The following LPAR4 variants were observed in gnomAD, a reference collection of about 807,000 sequenced individuals.
The protein encoded by LPAR4 is lysophosphatidic acid receptor 4.
In LPAR4, 14 loss-of-function variants were observed where a neutral mutation model predicts 9.2. That is an observed-to-expected ratio of 1.51 (90% confidence interval 1.00 to 2.37). LPAR4 has a LOEUF of 2.37. Among genes scored for constraint, LPAR4 ranks in the 30% most tolerant of loss-of-function variants. The probability of loss-of-function intolerance (pLI) is 0.00; values close to 1 mark genes in which losing one functional copy is unlikely to be tolerated. For missense variants in LPAR4, 251 were observed against 272.1 expected (o/e 0.92, Z 0.55); for synonymous variants, 131 against 97.9 (o/e 1.34, Z -1.99).
Position 78,747,794 on chromosome X carries a change from G to T in LPAR4, c.-535G>T, listed in dbSNP as rs1307801938. On this transcript the variant is annotated 5_prime_UTR_variant, in exon 1 of 5. Coordinates refer to ENST00000614823, the MANE Select transcript of LPAR4 (RefSeq NM_001278000.3). ...AGGGAGTCGTTAACAAAGGGAAAGA[G>T]ATAAATGTAAATAAGCTCACATTTA... The T allele has an allele frequency of 9.9e-6, 1 of 100,892 alleles. No individual in the cohort carries two copies. Among genetic ancestry groups the T allele is most frequent in the Non-Finnish European group, 2.0e-5 (1 of 50,718 alleles). The allele number at this position is 100,892 out of a possible 1,213,427, so 8.3% of individuals were successfully genotyped here.
At chrX:78,748,510 C>G (rs1162062060) in intron 1 of LPAR4, among the ~76,000 whole-genome samples, 1 of 111,879 alleles carries the variant, frequency 8.9e-6, no homozygotes, top group Non-Finnish European at 1.9e-5. Flanking sequence ...AAGGAAGAAT[C>G]ATGTTTGAAT....
chrX:78,752,902 A>T (rs1001056642), intron 4 of LPAR4, among the ~76,000 whole-genome samples: 8 of 111,755 alleles, frequency 7.2e-5, no homozygotes, highest in Non-Finnish European at 1.5e-4. Flanking sequence ...AAGGACCCCA[A>T]ATATGGTATA....
chrX:78,751,017 T>G (rs766773702), intron 3 of LPAR4, among the ~76,000 whole-genome samples, 193 bp from the exon 4 acceptor site: 24 of 111,923 alleles, frequency 2.1e-4, no homozygotes, highest in Non-Finnish European at 4.1e-4. Flanking sequence ...TCTGCAATTC[T>G]GTAATAATGA....
At chrX:78,749,436 G>A (rs771729143) in intron 1 of LPAR4, among the ~76,000 whole-genome samples, 2 of 111,682 alleles carry the variant, frequency 1.8e-5, no homozygotes, top group Admixed American at 1.9e-4. Context: ...TCAGTTATCA[G>A]AACAATGTAA....
chrX:78,756,796 C>T lies in LPAR4; in HGVS notation c.*814C>T, dbSNP rs760754888. On this transcript the variant is annotated 3_prime_UTR_variant, in exon 5 of 5. Coordinates refer to ENST00000614823, the MANE Select transcript of LPAR4 (RefSeq NM_001278000.3). ...GTCACGTTATCTTCATTTTGGGAAA[C>T]TAGGTTCTATAAAATATTTATCCTC... is the stretch of plus-strand genomic sequence containing the variant. 69 of 121,463 alleles carry T rather than the reference C, an allele frequency of 5.7e-4. No individual in the cohort carries two copies. Among genetic ancestry groups the T allele is most frequent in the Non-Finnish European group, 3.0e-4 (16 of 52,727 alleles). 10.0% of individuals were successfully genotyped at this position (121,463 alleles called of 1,213,427 possible).
Position 78,758,633 on chromosome X carries a change from C to T in LPAR4, c.*2651C>T, listed in dbSNP as rs1010232181. Among the ~76,000 whole-genome samples, 6 of 110,886 alleles carry T rather than the reference C, an allele frequency of 5.4e-5. No homozygotes were observed. Among genetic ancestry groups the T allele is most frequent in the African/African-American group, 1.3e-4 (4 of 30,606 alleles). Reference sequence around the variant, plus strand: ...AAATATAAAAGTGACTATGTTACATCGAAAGGAAAAGCAATTTTGCAGCTG... The same window carrying T: ...AAATATAAAAGTGACTATGTTACATTGAAAGGAAAAGCAATTTTGCAGCTG... On this transcript the variant is annotated 3_prime_UTR_variant, in exon 5 of 5. Coordinates refer to ENST00000614823, the MANE Select transcript of LPAR4 (RefSeq NM_001278000.3).
chrX:78,749,241 C>T (rs751702349), intron 1 of LPAR4: 6 of 111,689 alleles, frequency 5.4e-5, no homozygotes, highest in Non-Finnish European at 1.1e-4. Flanking sequence ...GTTTGTTCAG[C>T]GCCTAATTGT....
At chrX:78,753,060 G>T (rs181950141) in intron 4 of LPAR4, among the ~76,000 whole-genome samples, 167 of 111,670 alleles carry the variant, frequency 1.5e-3, no homozygotes, top group African/African-American at 5.1e-3. Context: ...CCTGTCCATT[G>T]TCAATAAAAA....
Position 78,755,277 on chromosome X carries a change from T to C in LPAR4, c.408T>C (p.Arg136=), listed in dbSNP as rs376235722. ...TTCTCACCTGTATTAGTGTGGATCG[T>C]TTCCTGGCCATTGTCTATCCTTTTC... ...MLFLTCISVD[R]FLAIVYPFRS... is the part of the protein sequence containing the mutation. Residue 136 remains arginine (R), a synonymous_variant, in exon 5 of 5, where the codon CGT becomes CGC. Transcript: ENST00000614823. The C allele has an allele frequency of 8.3e-7, 1 of 1,209,478 alleles. No individual in the cohort carries two copies. Among genetic ancestry groups the C allele is most frequent in the Non-Finnish European group, 1.1e-6 (1 of 894,252 alleles).
At chrX:78,753,291 A>T (rs1925149085) in intron 4 of LPAR4, among the ~76,000 whole-genome samples, 1 of 112,251 alleles carries the variant, frequency 8.9e-6, no homozygotes, top group Non-Finnish European at 1.9e-5. Flanking sequence ...AAGATCTAAT[A>T]GTTAGAAATG....
At chrX:78,750,542 A>T (rs767589557) in intron 2 of LPAR4, among the ~76,000 whole-genome samples, 188 bp from the exon 3 acceptor site, 30 of 111,477 alleles carry the variant, frequency 2.7e-4, no homozygotes, top group African/African-American at 9.4e-4. Context: ...GACATGCTAT[A>T]TTGGGTAGGC....
Position 78,758,147 on chromosome X carries a change from G to T in LPAR4, c.*2165G>T, listed in dbSNP as rs1925385151. On this transcript the variant is annotated 3_prime_UTR_variant, in exon 5 of 5. Transcript: ENST00000614823. ...CTGGCATTACTTTTTCCCAATGAAA[G>T]TCCTAAAAGTAATTATGCATTATGT... is the stretch of plus-strand genomic sequence containing the variant. Among the ~76,000 whole-genome samples, 1 of 111,598 alleles carries T rather than the reference G, an allele frequency of 9.0e-6. No individual in the cohort carries two copies. The highest frequency in any genetic ancestry group is 3.2e-5 in the African/African-American group (1 of 30,784).
intron 4 of LPAR4, among the ~76,000 whole-genome samples, 168 bp from the exon 5 acceptor site, chrX:78,754,623 C>G (rs1602201190): frequency 9.0e-6 from 1 of 111,675 alleles, no homozygotes; most frequent in African/African-American, 3.3e-5. Flanking sequence ...GCTCCTGCAA[C>G]ATACTCTTGT....
chrX:78,757,269 G>A lies in LPAR4; in HGVS notation c.*1287G>A. On this transcript the variant is annotated 3_prime_UTR_variant, in exon 5 of 5. Coordinates refer to ENST00000614823, the MANE Select transcript of LPAR4 (RefSeq NM_001278000.3). Reference sequence around the variant, plus strand: ...TTGAAGCACAACGCAGCTACCAAGTGGCTAAATTCGTCTCCTGGTTAGGAA... The same window carrying A: ...TTGAAGCACAACGCAGCTACCAAGTAGCTAAATTCGTCTCCTGGTTAGGAA... Among the ~76,000 whole-genome samples the A allele has an allele frequency of 9.0e-6, 1 of 111,583 alleles. No individual in the cohort carries two copies. The highest frequency in any genetic ancestry group is 1.9e-5 in the Non-Finnish European group (1 of 52,996).
chrX:78,755,426 C>G lies in LPAR4; in HGVS notation c.557C>G (p.Thr186Ser). 8.3e-7 allele frequency: 1 copy of G among 1,209,128 alleles called. No homozygotes were observed. The change falls in exon 5 of 5, where the codon ACC becomes AGC. Residue 186 changes from threonine to serine, a missense_variant. Transcript: ENST00000614823. Reference sequence around the variant, plus strand: ...ACCACTAATGTCAACAATGCAACCACCACCTGCTTTGAAGGCTTCTCCAAA... The same window carrying G: ...ACCACTAATGTCAACAATGCAACCAGCACCTGCTTTGAAGGCTTCTCCAAA... ...FSTTNVNNAT[T>S]TCFEGFSKRV... is the part of the protein sequence containing the mutation.
chrX:78,748,379 G>A (rs1035516822), intron 1 of LPAR4, among the ~76,000 whole-genome samples: 8 of 111,955 alleles, frequency 7.1e-5, no homozygotes, highest in Admixed American at 1.9e-4. Flanking sequence ...GTGCGCTAAC[G>A]TGGCTTGTAT....
chrX:78,755,159 T>G lies in LPAR4; in HGVS notation c.290T>G (p.Phe97Cys). ...GTCTGTACACTACCTTTTAAAATAT[T>G]TTACAACTTCAACCGCCACTGGCCT... ...LFVCTLPFKIFYNFNRHWPFG... is the reference protein window; with the variant it reads ...LFVCTLPFKICYNFNRHWPFG... The change falls in exon 5 of 5, where the codon TTT (phenylalanine) becomes TGT (cysteine). Residue 97 changes from phenylalanine to cysteine, a missense_variant. Coordinates refer to ENST00000614823, the MANE Select transcript of LPAR4 (RefSeq NM_001278000.3). The G allele has an allele frequency of 2.5e-6, 3 of 1,210,827 alleles. No homozygotes were observed. The highest frequency in any genetic ancestry group is 3.4e-6 in the Non-Finnish European group (3 of 894,798).
chrX:78,755,182 C>A lies in LPAR4; in HGVS notation c.313C>A (p.Pro105Thr). 8.3e-7 allele frequency: 1 copy of A among 1,210,218 alleles called. No individual in the cohort carries two copies. The highest frequency in any genetic ancestry group is 1.1e-6 in the Non-Finnish European group (1 of 894,037). The change falls in exon 5 of 5, where the codon CCT becomes ACT. Residue 105 changes from proline to threonine, a missense_variant. Physicochemically the swap from Pro to Thr is conservative, Grantham distance 38. Transcript: ENST00000614823. ...KIFYNFNRHW[P>T]FGDTLCKISG... is the part of the protein sequence containing the mutation. ...ATTTTACAACTTCAACCGCCACTGG[C>A]CTTTTGGTGACACCCTCTGCAAGAT...
chrX:78,752,785 T>G (rs777659149), intron 4 of LPAR4, among the ~76,000 whole-genome samples: 22 of 111,619 alleles, frequency 2.0e-4, no homozygotes, highest in Admixed American at 1.2e-3. Flanking sequence ...AGTTGGAGCT[T>G]TGTTTTCAAT....
Sources: gnomAD v4.1 joint callset for allele counts (sites outside exome capture counted in the v4.1 genomes callset) on GRCh38, gnomAD v4.1.1 for gene constraint, MANE v1.5 for transcripts, NCBI Gene and HGNC (gene_info 2026-07-23, HGNC 2026-07-21) for gene names.